FAAP20: variants seen among roughly 807,000 people sequenced by gnomAD.
FAAP20 encodes FA core complex associated protein 20.
FAAP20 carries 12 observed loss-of-function variants against 16.2 expected under a neutral mutation model. That is an observed-to-expected ratio of 0.74 (90% confidence interval 0.48 to 1.20). The LOEUF is 1.20. Among genes scored for constraint, FAAP20 ranks in the 50% most tolerant of loss-of-function variants. The pLI, the probability that FAAP20 is intolerant of heterozygous loss-of-function variation, is 0.00. For synonymous variants in FAAP20, 141 were observed against 110.7 expected (o/e 1.27, Z -1.72); for missense variants, 288 against 245.8 (o/e 1.17, Z -1.15).
upstream of FAAP20, chr1:2,203,315 C>T (rs747945043): frequency 3.5e-5 from 24 of 686,960 alleles, no homozygotes; most frequent in Non-Finnish European, 4.1e-5. Flanking sequence ...CCGCCTTCTT[C>T]CCCCCAGGCT....
At chr1:2,204,778 C>T (rs1422123435), upstream of FAAP20, among the ~76,000 whole-genome samples, 2 of 152,278 alleles carry the variant, frequency 1.3e-5, no homozygotes, top group Non-Finnish European at 1.5e-5. Flanking sequence ...CTCAGCCAGC[C>T]GCCGCCTTTG....
At chr1:2,204,269 C>T (rs1689154083), upstream of FAAP20, among the ~76,000 whole-genome samples, 1 of 152,268 alleles carries the variant, frequency 6.6e-6, no homozygotes, top group South Asian at 2.1e-4. Flanking sequence ...GTTGGTCCTG[C>T]CAGCATCGTG....
chr1:2,184,987 T>C, downstream of FAAP20: 2 of 1,613,678 alleles, frequency 1.2e-6, no homozygotes, highest in Non-Finnish European at 8.5e-7. Context: ...CCATTATTGC[T>C]GTCCACCGAG....
chr1:2,208,680 C>T (rs999918059), downstream of FAAP20, among the ~76,000 whole-genome samples: 5 of 152,180 alleles, frequency 3.3e-5, no homozygotes, highest in African/African-American at 1.2e-4. Flanking sequence ...CCCCCATGCT[C>T]GGCCAGAGCG....
Position 2,194,002 on chromosome 1 carries a change from C to T in FAAP20, c.194G>A (p.Gly65Glu), listed in dbSNP as rs747932990. 1.9e-6 allele frequency: 3 copies of T among 1,612,630 alleles called. No homozygotes were observed. Among genetic ancestry groups the T allele is most frequent in the East Asian group, 4.5e-5 (2 of 44,872 alleles). Residue 65 changes from glycine to glutamate, a missense_variant, in exon 2 of 4, where the codon GGA (glycine) becomes GAA (glutamate). Coordinates refer to ENST00000378546, the MANE Select transcript of FAAP20 (RefSeq NM_182533.4). ...AGATGGGCCCAGTGGGCACACCTGTCCTGGGAAGGCGGGCAGTGAAGGCAC... is the reference window on the plus strand; with the variant it reads ...AGATGGGCCCAGTGGGCACACCTGTTCTGGGAAGGCGGGCAGTGAAGGCAC... ...HEVPSLPAFP[G>E]QEPRCGPEPT...
In FAAP20 at chr1:2,205,548, CG is replaced by C. The variant is rs1689227921; in HGVS notation, n.451+756del. Among the ~76,000 whole-genome samples, 4 of 152,056 alleles carry C rather than the reference CG, an allele frequency of 2.6e-5. No homozygotes were observed. The South Asian group carries it at 6.2e-4, about 24-fold the overall frequency. Reference sequence around the variant, plus strand: ...CCGTGCAAGAGGCGTGGGAAGCGCGCGGGGGGTTCTGAGCGTGCAGTCGCCG... The same window carrying C: ...CCGTGCAAGAGGCGTGGGAAGCGCGCGGGGGTTCTGAGCGTGCAGTCGCCG... On this transcript the variant is annotated intron_variant and non_coding_transcript_variant, in intron 3 of 7. Transcript: ENST00000469733.
intron 3 of FAAP20, among the ~76,000 whole-genome samples, chr1:2,205,019 C>G (rs1265933759): frequency 9.6e-6 from 1 of 104,292 alleles, no homozygotes; most frequent in Non-Finnish European, 2.0e-5. Context: ...CCGGGCTCCC[C>G]ACGCCCCGCC....
At chr1:2,198,539 C>G (rs906652812), upstream of FAAP20, 2 of 606,712 alleles carry the variant, frequency 3.3e-6, no homozygotes. Flanking sequence ...CTCTGCCCAG[C>G]GCTGACACCC....
chr1:2,195,278 GCCTGGGCCAGGGC>G (rs1369513018), upstream of FAAP20, among the ~76,000 whole-genome samples: 1 of 152,232 alleles, frequency 6.6e-6, no homozygotes, highest in Non-Finnish European at 1.5e-5. Context: ...GGCCTCAGGG[GCCTGGGCCAGGGC>G]CCTGGGGGCA....
downstream of FAAP20, among the ~76,000 whole-genome samples, chr1:2,211,224 TTC>T (rs1206885917): frequency 2.7e-3 from 361 of 133,868 alleles, 8 homozygotes; most frequent in East Asian, 0.057. Flanking sequence ...TTTTCTTTCT[TTC>T]TTTTTTTTTT....
At chr1:2,198,264 G>C (rs766175342), upstream of FAAP20, 7 of 1,019,160 alleles carry the variant, frequency 6.9e-6, no homozygotes, top group Non-Finnish European at 9.1e-6. Flanking sequence ...ATCCCAGGCA[G>C]AGCAGAAGGT....
chr1:2,205,979 AC>A (rs1485431261), intron 3 of FAAP20, among the ~76,000 whole-genome samples: 1 of 152,052 alleles, frequency 6.6e-6, no homozygotes, highest in African/African-American at 2.4e-5. Context: ...AGGGATGGGG[AC>A]CCAGGGCTCG....
downstream of FAAP20, among the ~76,000 whole-genome samples, chr1:2,211,747 C>T (rs1333750611): frequency 6.7e-6 from 1 of 150,178 alleles, no homozygotes; most frequent in Non-Finnish European, 1.5e-5. Context: ...CCGTGCCCGG[C>T]CAGTTTTTTA....
At chr1:2,188,438 G>C (rs1025957612), downstream of FAAP20, among the ~76,000 whole-genome samples, 2 of 152,202 alleles carry the variant, frequency 1.3e-5, no homozygotes, top group African/African-American at 4.8e-5. Flanking sequence ...ACAGACCTGG[G>C]GCTTCAACCA....
upstream of FAAP20, among the ~76,000 whole-genome samples, chr1:2,197,032 G>A (rs553967911): frequency 1.3e-5 from 2 of 152,242 alleles, no homozygotes; most frequent in East Asian, 3.9e-4. Context: ...GCCCCCACAT[G>A]GTCCAGTGCC....
At chr1:2,189,541 G>A (rs1338725780), downstream of FAAP20, 8 of 637,924 alleles carry the variant, frequency 1.3e-5, no homozygotes, top group Non-Finnish European at 2.0e-5. Context: ...AAGAAAAGCG[G>A]CAGACGTTTC....
In FAAP20 at chr1:2,194,006, G is replaced by C; in HGVS notation, c.190C>G (p.Pro64Ala). The change falls in exon 2 of 4, where the codon CCA (proline) becomes GCA (alanine). Residue 64 changes from proline to alanine, a missense_variant. Physicochemically the swap from Pro to Ala is conservative, Grantham distance 27. Coordinates refer to ENST00000378546, the MANE Select transcript of FAAP20 (RefSeq NM_182533.4). ...GGGCCCAGTGGGCACACCTGTCCTG[G>C]GAAGGCGGGCAGTGAAGGCACCTCG... ...DHEVPSLPAF[P>A]GQEPRCGPEP... is the part of the protein sequence containing the mutation. 1 of 1,612,728 alleles carries C rather than the reference G, an allele frequency of 6.2e-7. No individual in the cohort carries two copies.
At chr1:2,205,515 C>G (rs914355370) in intron 3 of FAAP20, among the ~76,000 whole-genome samples, 2 of 151,966 alleles carry the variant, frequency 1.3e-5, no homozygotes, top group Non-Finnish European at 2.9e-5. Flanking sequence ...AGCGCGCTTC[C>G]GGGGCGGCCG....
chr1:2,187,725 C>G (rs897244555), downstream of FAAP20, among the ~76,000 whole-genome samples: 1 of 152,140 alleles, frequency 6.6e-6, no homozygotes, highest in Non-Finnish European at 1.5e-5. Context: ...CCAGCCTCCC[C>G]CACCACAGGA....
Sources: allele counts gnomAD v4.1 joint callset (sites outside exome capture counted in the v4.1 genomes callset), GRCh38; gene constraint gnomAD v4.1.1; transcripts MANE v1.5; gene names NCBI Gene and HGNC (gene_info 2026-07-23, HGNC 2026-07-21).